The following ELAC2 variants were observed in gnomAD, a reference collection of about 807,000 sequenced individuals.
The protein encoded by ELAC2 is zinc phosphodiesterase ELAC protein 2.
ELAC2 carries 92 observed loss-of-function variants against 105.2 expected under a neutral mutation model. That is an observed-to-expected ratio of 0.87 (90% confidence interval 0.74 to 1.04). The LOEUF (loss-of-function observed/expected upper bound fraction) is 1.04, where lower values mean the gene tolerates loss of function less well. Among genes scored for constraint, ELAC2 ranks in the 50% least tolerant of loss-of-function variants. The pLI is 0.00. For missense variants in ELAC2, 1,099 were observed against 1,071.7 expected (o/e 1.03, Z -0.36); for synonymous variants, 468 against 409.1 (o/e 1.14, Z -1.74).
chr17:12,999,152 G>C (rs1364950869), intron 15 of ELAC2, among the ~76,000 whole-genome samples: 1 of 152,176 alleles, frequency 6.6e-6, no homozygotes, highest in Non-Finnish European at 1.5e-5. Flanking sequence ...AGGCTAAGAA[G>C]AACAAATAAA....
intron 16 of ELAC2, among the ~76,000 whole-genome samples, chr17:12,997,581 G>C (rs774837633): frequency 5.9e-5 from 9 of 152,098 alleles, no homozygotes; most frequent in Non-Finnish European, 1.0e-4. Flanking sequence ...CCCCGGGAGA[G>C]GCCGGCTCAC....
Position 13,006,099 on chromosome 17 carries a change from G to A in ELAC2, c.739-120C>T, listed in dbSNP as rs953220766. ...AAAAATAATAATGTTGGCCAGGCAC[G>A]GTGGCTCACGCCTGTAATTCCAGTA... On this transcript the variant is annotated intron_variant, in intron 8 of 23. Coordinates refer to ENST00000338034, the MANE Select transcript of ELAC2 (RefSeq NM_018127.7). 2.6e-5 allele frequency: 27 copies of A among 1,032,794 alleles called. No homozygotes were observed. The East Asian group carries it at 3.3e-4, about 13-fold the overall frequency. 64.0% of individuals were successfully genotyped at this position (1,032,794 alleles called of 1,614,324 possible).
At chr17:13,001,516 A>T (rs202052920) in intron 14 of ELAC2, among the ~76,000 whole-genome samples, 8,503 of 149,120 alleles carry the variant, frequency 0.057, 293 homozygotes, top group African/African-American at 0.099. Context: ...AATAAATAAA[A>T]TAAATAAATT....
chr17:13,017,144 G>A (rs1424854437), intron 1 of ELAC2, 23 bp from the exon 2 acceptor site: 1 of 1,607,770 alleles, frequency 6.2e-7, no homozygotes. Flanking sequence ...CATTACACAA[G>A]ACATTCAGAA....
intron 8 of ELAC2, among the ~76,000 whole-genome samples, chr17:13,009,974 G>T (rs2041322185): frequency 7.6e-6 from 1 of 130,904 alleles, no homozygotes; most frequent in South Asian, 2.5e-4. Context: ...CTAGGCGATG[G>T]AGACAGACAT....
chr17:13,002,762 C>T (rs1184872475), intron 12 of ELAC2, 183 bp from the exon 13 acceptor site: 10 of 932,572 alleles, frequency 1.1e-5, no homozygotes, highest in South Asian at 6.0e-5. Context: ...GCCCGGTGTT[C>T]CCTAGCTCAG....
intron 11 of ELAC2, 101 bp downstream of exon 11, chr17:13,004,888 A>T: frequency 1.0e-6 from 1 of 954,640 alleles, no homozygotes; most frequent in Non-Finnish European, 1.7e-6. Context: ...AAACCCAGAT[A>T]GTGGTCTTCC....
Position 12,995,927 on chromosome 17 carries a change from G to A in ELAC2, c.1698+13C>T, listed in dbSNP as rs1401849098. The A allele has an allele frequency of 6.3e-7, 1 of 1,592,834 alleles. No individual in the cohort carries two copies. The highest frequency in any genetic ancestry group is 8.6e-7 in the Non-Finnish European group (1 of 1,168,088). On this transcript the variant is annotated intron_variant, in intron 18 of 23. Transcript: ENST00000338034. ...CGCTGAAACTCAGAACGCCCATCAA[G>A]TGCCACACTTACCAAGGCGCGTTCT...
intron 4 of ELAC2, among the ~76,000 whole-genome samples, chr17:13,014,697 C>T (rs1022146444): frequency 2.0e-5 from 3 of 152,090 alleles, no homozygotes; most frequent in African/African-American, 7.2e-5. Flanking sequence ...AGATGGAGGC[C>T]TTGCTCTAAT....
rs143270285 is a variant in ELAC2, at chr17:13,002,892, T to G, written c.1080-313A>C. Among the ~76,000 whole-genome samples the G allele has an allele frequency of 6.6e-3, 1,001 of 152,068 alleles. 6 individuals are homozygous for G. The highest frequency in any genetic ancestry group is 0.01 in the Non-Finnish European group (707 of 67,968). On this transcript the variant is annotated intron_variant, in intron 12 of 23. Coordinates refer to ENST00000338034, the MANE Select transcript of ELAC2 (RefSeq NM_018127.7). ...AAAGAGACAGCAGGAGAGCAGGCCA[T>G]GGAGTGAGGGGCAGGTAAACGGGCC...
intron 4 of ELAC2, among the ~76,000 whole-genome samples, chr17:13,015,540 G>A (rs1001522095): frequency 4.6e-5 from 7 of 152,196 alleles, no homozygotes; most frequent in East Asian, 1.9e-4. Context: ...TCTATGAAAC[G>A]TGATAGTCAT....
rs756941530 is a variant in ELAC2, at chr17:13,016,885, C to G, written c.344G>C (p.Trp115Ser). Residue 115 changes from tryptophan (W) to serine (S), a missense_variant, in exon 3 of 24, where the codon TGG becomes TCG. Physicochemically the swap from Trp to Ser is radical, Grantham distance 177. Coordinates refer to ENST00000338034, the MANE Select transcript of ELAC2 (RefSeq NM_018127.7). Reference sequence around the variant, plus strand: ...ACCACTTAAGCCCCCAACATTAGACCAGTGCATTCGTGTCAGGAATATGTT... The same window carrying G: ...ACCACTTAAGCCCCCAACATTAGACGAGTGCATTCGTGTCAGGAATATGTT... ...LDNIFLTRMH[W>S]SNVGGLSGMI... The G allele has an allele frequency of 2.5e-6, 4 of 1,614,088 alleles. No individual in the cohort carries two copies. In the South Asian group the frequency reaches 3.3e-5, roughly 13 times the overall value.
intron 12 of ELAC2, 149 bp from the exon 13 acceptor site, chr17:13,002,728 T>G (rs1347252919): frequency 1.6e-6 from 2 of 1,274,654 alleles, no homozygotes; most frequent in East Asian, 5.1e-5. Flanking sequence ...TGGCCAAACA[T>G]GGTCCCACTC....
intron 5 of ELAC2, among the ~76,000 whole-genome samples, chr17:13,014,228 G>A (rs1419445416): frequency 6.7e-6 from 1 of 148,928 alleles, no homozygotes; most frequent in Non-Finnish European, 1.5e-5. Context: ...AGGAGGTGGA[G>A]GTTGCAGTGA....
Position 13,017,930 on chromosome 17 carries a change from C to A in ELAC2, c.18G>T (p.Ser6=). The change falls in exon 1 of 24, where the codon TCG becomes TCT. Residue 6 remains serine (S), a synonymous_variant. Coordinates refer to ENST00000338034, the MANE Select transcript of ELAC2 (RefSeq NM_018127.7). ...TGCGTCCGGCCGCGGACCGCAGCAG[C>A]GAGCAAAGCGCCCACATGCGCCCGT... The part of the protein sequence containing the change: MWALC[S]LLRSAAGRTM... The A allele has an allele frequency of 6.5e-7, 1 of 1,538,800 alleles. No individual in the cohort carries two copies.
At position 13,002,352 on chromosome 17, in the gene ELAC2, C is replaced by T. The variant is rs1567754588; in HGVS notation, c.1226G>A (p.Gly409Asp). The T allele has an allele frequency of 6.2e-7, 1 of 1,614,162 alleles. No individual in the cohort carries two copies. Among genetic ancestry groups the T allele is most frequent in the Non-Finnish European group, 8.5e-7 (1 of 1,180,038 alleles). ...AACCATGGGCACACTGAGGGTGGGGCCCTCCTTCTGAAAGAGACAAAACAC... is the reference window on the plus strand; with the variant it reads ...AACCATGGGCACACTGAGGGTGGGGTCCTCCTTCTGAAAGAGACAAAACAC... Reference protein sequence around the residue: ...LLTSFRCKKEGPTLSVPMVQG... With the variant: ...LLTSFRCKKEDPTLSVPMVQG... Residue 409 changes from glycine (G) to aspartate (D), a missense_variant, in exon 14 of 24, where the codon GGC becomes GAC. Coordinates refer to ENST00000338034, the MANE Select transcript of ELAC2 (RefSeq NM_018127.7).
chr17:13,012,651 C>A (rs560729951), intron 6 of ELAC2, among the ~76,000 whole-genome samples: 1 of 152,258 alleles, frequency 6.6e-6, no homozygotes, highest in South Asian at 2.1e-4. Flanking sequence ...TTAGTACTAA[C>A]AAGGAAATAC....
At chr17:13,004,643 G>A (rs1174406801) in intron 11 of ELAC2, among the ~76,000 whole-genome samples, 1 of 152,182 alleles carries the variant, frequency 6.6e-6, no homozygotes, top group Non-Finnish European at 1.5e-5. Flanking sequence ...GCAGGTAATG[G>A]AAGAAAATTA....
intron 23 of ELAC2, 68 bp from the exon 24 acceptor site, chr17:12,993,113 G>T: frequency 6.7e-7 from 1 of 1,499,984 alleles, no homozygotes; most frequent in Non-Finnish European, 9.2e-7. Flanking sequence ...GAGCTGGAAG[G>T]GATGCAGTCA....
Sources: allele counts gnomAD v4.1 joint callset (sites outside exome capture counted in the v4.1 genomes callset), GRCh38; gene constraint gnomAD v4.1.1; transcripts MANE v1.5; gene names NCBI Gene and HGNC (gene_info 2026-07-23, HGNC 2026-07-21).